Variants in ZNF714 observed in about 807,000 individuals in gnomAD.
ZNF714 encodes zinc finger protein 714.
ZNF714 carries 32 observed loss-of-function variants against 46.2 expected under a neutral mutation model. The observed-to-expected ratio is 0.69, with a 90% CI of 0.52 to 0.93. ZNF714 has a LOEUF of 0.93. Among genes scored for constraint, ZNF714 ranks in the 40% least tolerant of loss-of-function variants. The pLI is 0.00. For missense variants in ZNF714, 635 were observed against 646.3 expected (o/e 0.98, Z 0.19); for synonymous variants, 199 against 213.1 (o/e 0.93, Z 0.58).
In ZNF714 at chr19:21,124,059, A is replaced by G. The variant is rs1213208984; in HGVS notation, c.*5727A>G. The stretch of plus-strand genomic sequence containing the variant: ...CTTTAGTGGCTTTCATACCATTACC[A>G]CCAGTACCAGAAACTCCAGGTGGCC... On this transcript the variant is annotated 3_prime_UTR_variant, in exon 5 of 5. Transcript: ENST00000456283. The G allele has an allele frequency of 1.3e-5, 2 of 152,132 alleles. No individual in the cohort carries two copies. Among genetic ancestry groups the G allele is most frequent in the Non-Finnish European group, 1.5e-5 (1 of 68,030 alleles). 9.4% of individuals were successfully genotyped at this position (152,132 alleles called of 1,614,324 possible).
chr19:21,110,951 C>T (rs995797813), intron 4 of ZNF714, among the ~76,000 whole-genome samples: 3 of 152,098 alleles, frequency 2.0e-5, no homozygotes, highest in Non-Finnish European at 4.4e-5. Flanking sequence ...GTCTATGTGT[C>T]TGTTTTTATA....
At chr19:21,097,753 TCAGACTTTATTC>T (rs72360493) in intron 2 of ZNF714, among the ~76,000 whole-genome samples, 11,290 of 151,324 alleles carry the variant, frequency 0.075, 474 homozygotes, top group Non-Finnish European at 0.086. Flanking sequence ...TTTTAAAAAC[TCAGACTTTATTC>T]CAGATCTTCT....
At chr19:21,086,499 C>G (rs1035299432) in intron 2 of ZNF714, among the ~76,000 whole-genome samples, 1 of 152,134 alleles carries the variant, frequency 6.6e-6, no homozygotes, top group Non-Finnish European at 1.5e-5. Flanking sequence ...ACAGTAACTT[C>G]TGATGTTTCC....
intron 4 of ZNF714, among the ~76,000 whole-genome samples, chr19:21,113,780 G>C (rs551214446): frequency 6.6e-6 from 1 of 152,162 alleles, no homozygotes; most frequent in African/African-American, 2.4e-5. Flanking sequence ...AAAGTGCTAG[G>C]GTTACAAGCG....
chr19:21,108,842 A>G (rs1159934193), intron 4 of ZNF714, among the ~76,000 whole-genome samples: 1 of 152,052 alleles, frequency 6.6e-6, no homozygotes, highest in East Asian at 1.9e-4. Context: ...TGATGTCTTG[A>G]TCTCTACAAT....
chr19:21,092,973 G>A (rs1372636120), intron 2 of ZNF714, among the ~76,000 whole-genome samples: 66 of 144,540 alleles, frequency 4.6e-4, no homozygotes, highest in African/African-American at 1.6e-3. Flanking sequence ...GCAGTGGTGC[G>A]ATCTCGGCTC....
chr19:21,117,092 A>C lies in ZNF714; in HGVS notation c.428A>C (p.Lys143Thr). The C allele has an allele frequency of 6.2e-7, 1 of 1,613,666 alleles. No homozygotes were observed. The highest frequency in any genetic ancestry group is 2.2e-5 in the East Asian group (1 of 44,842). ...NRHKTRHTGE[K>T]PFKCKKCDES... ...CACAAGACAAGACATACTGGAGAGA[A>C]ACCTTTCAAATGTAAAAAATGTGAT... The change falls in exon 5 of 5, where the codon AAA becomes ACA. Residue 143 changes from lysine (K) to threonine (T), a missense_variant. Lys to Thr is a moderately conservative substitution (Grantham distance 78). Coordinates refer to ENST00000456283, the MANE Select transcript of ZNF714 (RefSeq NM_182515.4).
At chr19:21,100,122 G>C (rs1460057832) in intron 4 of ZNF714, among the ~76,000 whole-genome samples, 1 of 151,972 alleles carries the variant, frequency 6.6e-6, no homozygotes, top group Admixed American at 6.6e-5. Flanking sequence ...CCAAAGTGCT[G>C]GGATTACAGG....
Position 21,098,198 on chromosome 19 carries a change from T to G in ZNF714, c.-71T>G. Reference sequence around the variant, plus strand: ...TGTGTTTTTCAGGAGACGTTGACATTTAGGGATGTGGCCATAGAATTCTCT... The same window carrying G: ...TGTGTTTTTCAGGAGACGTTGACATGTAGGGATGTGGCCATAGAATTCTCT... On this transcript the variant is annotated 5_prime_UTR_variant, in exon 3 of 5. It adds an upstream start codon to the 5' untranslated region. Transcript: ENST00000456283. 1 of 1,611,284 alleles carries G rather than the reference T, an allele frequency of 6.2e-7. No homozygotes were observed. Among genetic ancestry groups the G allele is most frequent in the Non-Finnish European group, 8.5e-7 (1 of 1,179,464 alleles).
intron 1 of ZNF714, 72 bp from the exon 2 acceptor site, chr19:21,083,906 A>G (rs1015699844): frequency 1.1e-5 from 9 of 831,446 alleles, no homozygotes; most frequent in Non-Finnish European, 1.3e-5. Flanking sequence ...GGGATCAACC[A>G]AGATATCCAC....
rs1299054181 is a variant in ZNF714 at position 21,117,808 on chromosome 19, T to C, written c.1144T>C (p.Ser382Pro). 3.7e-6 allele frequency: 6 copies of C among 1,612,434 alleles called. No homozygotes were observed. The highest frequency in any genetic ancestry group is 4.2e-6 in the Non-Finnish European group (5 of 1,179,158). Reference protein sequence around the residue: ...EECGKAFNHSSKLTIHKIIHT... With the variant: ...EECGKAFNHSPKLTIHKIIHT... ...ATGTGGCAAAGCCTTTAACCACTCC[T>C]CAAAACTTACTATACATAAGATAAT... The change falls in exon 5 of 5, where the codon TCA becomes CCA. Residue 382 changes from serine (S) to proline (P), a missense_variant. By Grantham distance (74) the Ser-to-Pro change is moderately conservative. Coordinates refer to ENST00000456283, the MANE Select transcript of ZNF714 (RefSeq NM_182515.4).
rs1440406445 is a variant in ZNF714, at chr19:21,124,170, C to G, written c.*5838C>G. The G allele has an allele frequency of 6.6e-6, 1 of 152,152 alleles. No homozygotes were observed. Among genetic ancestry groups the G allele is most frequent in the Non-Finnish European group, 1.5e-5 (1 of 68,030 alleles). The allele number at this position is 152,152 out of a possible 1,614,324, so 9.4% of individuals were successfully genotyped here. A position where few individuals can be genotyped will look rare whatever the true frequency, so the allele number is the denominator to read the frequency against. On this transcript the variant is annotated 3_prime_UTR_variant, in exon 5 of 5. Transcript: ENST00000456283. ...AACCATGCTGTTAAATATCAGAGTTCCTATGGTTATGACTGACAAATGACA... is the reference window on the plus strand; with the variant it reads ...AACCATGCTGTTAAATATCAGAGTTGCTATGGTTATGACTGACAAATGACA...
intron 2 of ZNF714, among the ~76,000 whole-genome samples, chr19:21,092,852 G>T (rs1968944418): frequency 6.7e-6 from 1 of 149,618 alleles, no homozygotes; most frequent in South Asian, 2.1e-4. Context: ...TCTGTTTTAG[G>T]TTCCTAAGGA....
chr19:21,084,008 A>G lies in ZNF714; in HGVS notation c.-146A>G. 1 of 1,270,080 alleles carries G rather than the reference A, an allele frequency of 7.9e-7. No individual in the cohort carries two copies. Among genetic ancestry groups the G allele is most frequent in the Non-Finnish European group, 1.0e-6 (1 of 982,738 alleles). 78.7% of individuals were successfully genotyped at this position (1,270,080 alleles called of 1,614,324 possible). On this transcript the variant is annotated 5_prime_UTR_variant, in exon 2 of 5. Transcript: ENST00000456283. ...CCTGAGGTCTGGAGTGTATCCTCTC[A>G]AGGGAGCAAGTGGATCCCTGGGGCA...
At chr19:21,100,139 T>C (rs978195224) in intron 4 of ZNF714, among the ~76,000 whole-genome samples, 19 of 151,882 alleles carry the variant, frequency 1.3e-4, no homozygotes, top group African/African-American at 2.7e-4. Flanking sequence ...CAGGCATGAG[T>C]CACCATGCCC....
At position 21,122,603 on chromosome 19, in the gene ZNF714, A is replaced by AT. The variant is rs1346041069; in HGVS notation, c.*4272dup. 1.3e-5 allele frequency: 2 copies of AT among 151,862 alleles called. No homozygotes were observed. The highest frequency in any genetic ancestry group is 2.1e-4 in the South Asian group (1 of 4,814). The allele number at this position is 151,862 out of a possible 1,614,324, so 9.4% of individuals were successfully genotyped here. A position where few individuals can be genotyped will look rare whatever the true frequency, so the allele number is the denominator to read the frequency against. On this transcript the variant is annotated 3_prime_UTR_variant, in exon 5 of 5. Transcript: ENST00000456283. The stretch of plus-strand genomic sequence containing the variant: ...CAGCCTGGGTGACAGAATGAGACTC[A>AT]TAAAAAAAAAAATAAATTCTGCTTC...
Position 21,098,862 on chromosome 19 carries a change from A to G in ZNF714, c.94A>G (p.Lys32Glu). ...QDPITSLEQE[K>E]EPWNMKICEM... Reference sequence around the variant, plus strand: ...CCCGATCACCAGTCTAGAGCAAGAAAAAGAGCCCTGGAATATGAAGATATG... The same window carrying G: ...CCCGATCACCAGTCTAGAGCAAGAAGAAGAGCCCTGGAATATGAAGATATG... Residue 32 changes from lysine to glutamate, a missense_variant, in exon 4 of 5, where the codon AAA becomes GAA. Transcript: ENST00000456283. 2.5e-6 allele frequency: 4 copies of G among 1,612,394 alleles called. No individual in the cohort carries two copies. In the South Asian group the frequency reaches 3.3e-5, roughly 13 times the overall value.
intron 2 of ZNF714, among the ~76,000 whole-genome samples, chr19:21,085,842 T>A (rs964232163): frequency 1.3e-5 from 2 of 151,200 alleles, no homozygotes; most frequent in Non-Finnish European, 2.9e-5. Flanking sequence ...TTTGAGGCAG[T>A]TTCTAGGCTT....
At chr19:21,100,847 A>G (rs780302267) in intron 4 of ZNF714, among the ~76,000 whole-genome samples, 1 of 151,356 alleles carries the variant, frequency 6.6e-6, no homozygotes, top group South Asian at 2.1e-4. Context: ...AGCTGGGACT[A>G]CAGGCGCCCA....
Sources: allele counts gnomAD v4.1 joint callset (sites outside exome capture counted in the v4.1 genomes callset), GRCh38; gene constraint gnomAD v4.1.1; transcripts MANE v1.5; gene names NCBI Gene and HGNC (gene_info 2026-07-23, HGNC 2026-07-21).